Variants in SDK1 observed in about 807,000 individuals in gnomAD.
SDK1 encodes sidekick cell adhesion molecule 1, also known as protein sidekick-1.
SDK1 carries 157 observed loss-of-function variants against 245.5 expected under a neutral mutation model. That is an observed-to-expected ratio of 0.64 (90% CI 0.56 to 0.73). The LOEUF (loss-of-function observed/expected upper bound fraction) is 0.73. SDK1 is among the 30% of genes least tolerant of loss of function. The pLI is 0.00. For missense variants in SDK1, 3,583 were observed against 3,002.3 expected (o/e 1.19, Z -4.52); for synonymous variants, 1,647 against 1,278.5 (o/e 1.29, Z -6.15).
chr7:3,734,538 C>T (rs1328234106), intron 4 of SDK1, among the ~76,000 whole-genome samples: 1 of 152,222 alleles, frequency 6.6e-6, no homozygotes, highest in African/African-American at 2.4e-5. Context: ...CAAGTCAGTA[C>T]TTCAGGGTTA....
At chr7:4,106,735 G>A (rs1007357467) in intron 22 of SDK1, among the ~76,000 whole-genome samples, 4 of 152,084 alleles carry the variant, frequency 2.6e-5, no homozygotes, top group South Asian at 2.1e-4. Context: ...TCAACGCGGC[G>A]CGTGCCTTTC....
At chr7:4,017,423 G>C (rs771435409) in intron 17 of SDK1, 71 bp downstream of exon 17, 3 of 1,368,034 alleles carry the variant, frequency 2.2e-6, no homozygotes, top group Non-Finnish European at 3.0e-6. Context: ...GGTTTGACTG[G>C]AGTACGTTAG....
chr7:3,437,714 A>C (rs1706454794), intron 1 of SDK1, among the ~76,000 whole-genome samples: 1 of 152,284 alleles, frequency 6.6e-6, no homozygotes, highest in East Asian at 1.9e-4. Context: ...GTGCCACTGC[A>C]CTCCAGCCTG....
At chr7:4,030,253 G>A (rs1477094302) in intron 17 of SDK1, among the ~76,000 whole-genome samples, 1 of 152,240 alleles carries the variant, frequency 6.6e-6, no homozygotes, top group Non-Finnish European at 1.5e-5. Flanking sequence ...TCATAGTCAA[G>A]TCCAGTTAGA....
intron 1 of SDK1, among the ~76,000 whole-genome samples, chr7:3,434,359 C>G (rs921513029): frequency 1.3e-5 from 2 of 152,134 alleles, no homozygotes; most frequent in East Asian, 1.9e-4. Flanking sequence ...ATGAGGTGGA[C>G]TTTTTACTTA....
intron 11 of SDK1, among the ~76,000 whole-genome samples, chr7:3,969,710 C>G (rs1311371965): frequency 1.3e-5 from 2 of 152,150 alleles, no homozygotes; most frequent in East Asian, 3.8e-4. Flanking sequence ...GCTCAAATCA[C>G]AAAATTGATA....
intron 38 of SDK1, among the ~76,000 whole-genome samples, chr7:4,212,300 T>C (rs2128228711): frequency 6.6e-6 from 1 of 152,316 alleles, no homozygotes; most frequent in African/African-American, 2.4e-5. Context: ...GTAAGATTCA[T>C]CATTATTTTA....
At chr7:4,123,212 C>T (rs961058624) in intron 25 of SDK1, among the ~76,000 whole-genome samples, 4 of 152,312 alleles carry the variant, frequency 2.6e-5, no homozygotes, top group East Asian at 1.9e-4. Flanking sequence ...ATGACAATGG[C>T]CTCTCTTTTT....
intron 1 of SDK1, among the ~76,000 whole-genome samples, chr7:3,609,204 T>A (rs1456792456): frequency 6.6e-6 from 1 of 152,184 alleles, no homozygotes; most frequent in African/African-American, 2.4e-5. Context: ...CAGAAAGAAA[T>A]AAGTCACATA....
At chr7:3,830,968 T>C (rs976177593) in intron 5 of SDK1, among the ~76,000 whole-genome samples, 4 of 152,344 alleles carry the variant, frequency 2.6e-5, no homozygotes, top group South Asian at 2.1e-4. Flanking sequence ...TTATAACTTA[T>C]GCATTTTCTT....
chr7:4,048,474 C>G (rs914484901), intron 17 of SDK1, among the ~76,000 whole-genome samples: 1 of 152,100 alleles, frequency 6.6e-6, no homozygotes, highest in African/African-American at 2.4e-5. Flanking sequence ...GTCAGCACCC[C>G]GCTTCCCCCC....
chr7:3,797,695 C>T (rs943737779), intron 4 of SDK1, among the ~76,000 whole-genome samples: 2 of 151,972 alleles, frequency 1.3e-5, no homozygotes, highest in African/African-American at 4.8e-5. Context: ...TTGGAAAAGC[C>T]CCCTGGAATT....
chr7:3,304,997 G>A (rs10807839), intron 1 of SDK1, among the ~76,000 whole-genome samples: 116,109 of 152,100 alleles, frequency 0.76, 44,775 homozygotes, highest in African/African-American at 0.87. Flanking sequence ...TTTACGTGAG[G>A]CCACATGGCT....
intron 35 of SDK1, among the ~76,000 whole-genome samples, chr7:4,179,999 A>C (rs924529070): frequency 3.9e-5 from 6 of 152,078 alleles, no homozygotes; most frequent in Middle Eastern, 6.8e-3. Flanking sequence ...ACCAGGAACC[A>C]GGGGGCTCAG....
At chr7:4,207,834 G>A (rs1414651330) in intron 36 of SDK1, among the ~76,000 whole-genome samples, 2 of 152,226 alleles carry the variant, frequency 1.3e-5, no homozygotes, top group Middle Eastern at 3.4e-3. Context: ...TTTGTTTAAC[G>A]AGGCAATGCT....
At chr7:3,905,287 T>C (rs1253823881) in intron 5 of SDK1, among the ~76,000 whole-genome samples, 2 of 152,192 alleles carry the variant, frequency 1.3e-5, no homozygotes, top group Non-Finnish European at 2.9e-5. Flanking sequence ...CTATTATAAG[T>C]AATGCCGCAA....
At chr7:3,439,847 AGAGG>A (rs1780144199) in intron 1 of SDK1, among the ~76,000 whole-genome samples, 1 of 152,218 alleles carries the variant, frequency 6.6e-6, no homozygotes, top group East Asian at 1.9e-4. Context: ...CTTGCTTACT[AGAGG>A]GCACTGTGCT....
intron 1 of SDK1, among the ~76,000 whole-genome samples, chr7:3,515,247 A>G (rs937376519): frequency 8.5e-5 from 13 of 152,246 alleles, no homozygotes; most frequent in African/African-American, 3.1e-4. Flanking sequence ...CTGAGAGAAC[A>G]CCTCTAGGAG....
rs544109574 is a variant in SDK1, at chr7:4,260,220, G to T, written c.6382-4904G>T. ...AAGCTGGCTGCTCCGGGGCCTCTGT[G>T]TGTGTGGGAAGATGTGTTCATCGTC... On this transcript the variant is annotated intron_variant, in intron 44 of 44. Coordinates refer to ENST00000404826, the MANE Select transcript of SDK1 (RefSeq NM_152744.4). Among the ~76,000 whole-genome samples the T allele has an allele frequency of 2.4e-3, 359 of 148,480 alleles. 1 individual carries two copies. Among genetic ancestry groups the T allele is most frequent in the African/African-American group, 8.6e-3 (345 of 39,894 alleles).
Sources: gnomAD v4.1 joint callset for allele counts (sites outside exome capture counted in the v4.1 genomes callset) on GRCh38, gnomAD v4.1.1 for gene constraint, MANE v1.5 for transcripts, NCBI Gene and HGNC (gene_info 2026-07-23, HGNC 2026-07-21) for gene names.